The following MIER2 variants were observed in gnomAD, a reference collection of about 807,000 sequenced individuals.
MIER2 encodes the protein mesoderm induction early response protein 2.
Under a neutral mutation model 67.6 loss-of-function variants are expected in MIER2, and 30 were observed. That is an observed-to-expected ratio of 0.44 (90% CI 0.33 to 0.60). The LOEUF (loss-of-function observed/expected upper bound fraction) is 0.60. Ranked by LOEUF, MIER2 falls within the 20% of genes least tolerant of loss-of-function variation. MIER2 has a pLI of 0.02. For synonymous variants in MIER2, 372 were observed against 312.6 expected (o/e 1.19, Z -2.00); for missense variants, 702 against 745.1 (o/e 0.94, Z 0.67).
chr19:307,387 C>T lies in MIER2; in HGVS notation c.1348G>A (p.Ala450Thr), dbSNP rs1366798356. Reference sequence around the variant, plus strand: ...GCTGGCTGGTATGAGGCTGGGTCGGCCAGGGCTGGGGGCCGATGGGACAGG... The same window carrying T: ...GCTGGCTGGTATGAGGCTGGGTCGGTCAGGGCTGGGGGCCGATGGGACAGG... The part of the protein sequence containing the change: ...VPLSHRPPAL[A>T]DPASYQPAVT... The change falls in exon 13 of 14, where the codon GCC becomes ACC. Residue 450 changes from alanine (A) to threonine (T), a missense_variant. Ala to Thr is a moderately conservative substitution (Grantham distance 58). This residue lies in a region of MIER2 where 254 missense variants were observed against 262.8 expected (regional missense o/e 0.97). Coordinates refer to ENST00000264819, the MANE Select transcript of MIER2 (RefSeq NM_017550.3). The T allele has an allele frequency of 6.2e-7, 1 of 1,607,250 alleles. No homozygotes were observed. The highest frequency in any genetic ancestry group is 2.2e-5 in the East Asian group (1 of 44,646).
At chr19:307,065 T>A in intron 13 of MIER2, 54 bp downstream of exon 13, 1 of 1,517,774 alleles carries the variant, frequency 6.6e-7, no homozygotes, top group East Asian at 2.4e-5. Flanking sequence ...GCCTGAGGGC[T>A]GGGGGGACCT....
At chr19:326,059 G>C (rs61018085) in intron 6 of MIER2, among the ~76,000 whole-genome samples, 22,751 of 152,236 alleles carry the variant, frequency 0.15, 2,194 homozygotes, top group African/African-American at 0.26. Context: ...CTGAGAAGGG[G>C]CACAAACCCA....
At chr19:315,987 G>A (rs955741853) in intron 7 of MIER2, among the ~76,000 whole-genome samples, 3 of 152,230 alleles carry the variant, frequency 2.0e-5, no homozygotes, top group East Asian at 3.8e-4. Context: ...GAGTAAGACC[G>A]TCCTCTGACT....
intron 7 of MIER2, among the ~76,000 whole-genome samples, chr19:322,197 G>A (rs895439449): frequency 5.3e-4 from 81 of 152,116 alleles, no homozygotes; most frequent in African/African-American, 1.9e-3. Context: ...GAGCCACCAC[G>A]CCCAGCCACC....
chr19:336,411 A>G (rs1972261877), intron 1 of MIER2, among the ~76,000 whole-genome samples: 1 of 152,258 alleles, frequency 6.6e-6, no homozygotes. Flanking sequence ...CGCCCAGGGC[A>G]GGACATGCAT....
Position 340,866 on chromosome 19 carries a change from G to C in MIER2, c.9+3908C>G, listed in dbSNP as rs538929315. Among the ~76,000 whole-genome samples the C allele has an allele frequency of 4.6e-5, 7 of 152,266 alleles. No individual in the cohort carries two copies. In the South Asian group the frequency reaches 1.5e-3, roughly 32 times the overall value. ...CCGTGGTGGCAGAGGGCAAACAGAAGACAGAGGGAAGGAAGAGCCAGCAGG... is the reference window on the plus strand; with the variant it reads ...CCGTGGTGGCAGAGGGCAAACAGAACACAGAGGGAAGGAAGAGCCAGCAGG... On this transcript the variant is annotated intron_variant, in intron 1 of 13. Transcript: ENST00000264819.
intron 1 of MIER2, among the ~76,000 whole-genome samples, chr19:338,830 C>T (rs1972378477): frequency 6.6e-6 from 1 of 152,114 alleles, no homozygotes; most frequent in South Asian, 2.1e-4. Context: ...ACAAATGGTA[C>T]TGGGACAGTT....
intron 1 of MIER2, among the ~76,000 whole-genome samples, chr19:338,954 C>A (rs576969515): frequency 6.6e-6 from 1 of 151,736 alleles, no homozygotes; most frequent in Non-Finnish European, 1.5e-5. Context: ...CACAACTTTT[C>A]GGAGAAAATA....
chr19:315,277 A>C (rs1036081123), intron 7 of MIER2, among the ~76,000 whole-genome samples: 1 of 151,544 alleles, frequency 6.6e-6, no homozygotes, highest in Non-Finnish European at 1.5e-5. Context: ...AGGGAGGAGA[A>C]TCACTTGAAC....
At chr19:337,589 G>A (rs764052827) in intron 1 of MIER2, among the ~76,000 whole-genome samples, 5 of 152,160 alleles carry the variant, frequency 3.3e-5, no homozygotes, top group Admixed American at 6.5e-5. Flanking sequence ...TAAGGAAGCC[G>A]GGCACGGTGG....
intron 7 of MIER2, among the ~76,000 whole-genome samples, chr19:315,326 C>T (rs1264383739): frequency 6.6e-6 from 1 of 152,252 alleles, no homozygotes; most frequent in Non-Finnish European, 1.5e-5. Flanking sequence ...GATCGCGCCA[C>T]TGCACTCCAG....
chr19:325,558 T>C, intron 7 of MIER2, 77 bp downstream of exon 7: 1 of 1,544,788 alleles, frequency 6.5e-7, no homozygotes, highest in South Asian at 1.1e-5. Context: ...GACCAGACTG[T>C]CCAAGGATCT....
chr19:315,990 C>T (rs987214409), intron 7 of MIER2, among the ~76,000 whole-genome samples: 1 of 152,256 alleles, frequency 6.6e-6, no homozygotes, highest in Non-Finnish European at 1.5e-5. Flanking sequence ...TAAGACCGTC[C>T]TCTGACTTCT....
Position 344,773 on chromosome 19 carries a change from C to T in MIER2, c.9+1G>A. On this transcript the variant is annotated splice_donor_variant, in intron 1 of 13. Coordinates refer to ENST00000264819, the MANE Select transcript of MIER2 (RefSeq NM_017550.3). LOFTEE classifies it high-confidence loss of function. The stretch of plus-strand genomic sequence containing the variant: ...CCGGCTCCCCCGGCCCGCTCACTCA[C>T]CTCCGCCATGGCCGTGTGTGCGCGG... 8.4e-7 allele frequency: 1 copy of T among 1,191,602 alleles called. No individual in the cohort carries two copies. Among genetic ancestry groups the T allele is most frequent in the Non-Finnish European group, 1.0e-6 (1 of 962,052 alleles). 73.8% of individuals were successfully genotyped at this position (1,191,602 alleles called of 1,614,324 possible). A position where few individuals can be genotyped will look rare whatever the true frequency, so the allele number is the denominator to read the frequency against.
In MIER2 at chr19:327,163, C is replaced by A. The variant is rs777879630; in HGVS notation, c.463G>T (p.Ala155Ser). 8.8e-6 allele frequency: 14 copies of A among 1,592,402 alleles called. No homozygotes were observed. Among genetic ancestry groups the A allele is most frequent in the Non-Finnish European group, 1.1e-5 (13 of 1,174,060 alleles). The change falls in exon 5 of 14, where the codon GCC (alanine) becomes TCC (serine). Residue 155 changes from alanine (A) to serine (S), a missense_variant. Ala to Ser is a moderately conservative substitution (Grantham distance 99). Around this residue, in one of 3 missense-constraint regions of MIER2, gnomAD observed 320 missense variants for 292.6 expected, o/e 1.09. Coordinates refer to ENST00000264819, the MANE Select transcript of MIER2 (RefSeq NM_017550.3). ...CTCCGGTTAGGGAAGAGGTCGGAGG[C>A]CTCGTGGGAGGTCACGGACGGGGTG... The part of the protein sequence containing the change: ...DLTPSVTSHE[A>S]SDLFPNRSGS...
In MIER2 at chr19:334,393, C is replaced by A. The variant is rs561814972; in HGVS notation, c.243+7G>T. 1 of 1,613,992 alleles carries A rather than the reference C, an allele frequency of 6.2e-7. No individual in the cohort carries two copies. Among genetic ancestry groups the A allele is most frequent in the South Asian group, 1.1e-5 (1 of 91,070 alleles). The stretch of plus-strand genomic sequence containing the variant: ...AACACAGGGGCAGGATCACCTTGGC[C>A]AAGTACCTGGGAGATGAAGTCCTTC... On this transcript the variant is annotated splice_region_variant and intron_variant, in intron 3 of 13. Transcript: ENST00000264819.
At chr19:313,884 G>A (rs1463128365) in intron 7 of MIER2, among the ~76,000 whole-genome samples, 9 of 152,148 alleles carry the variant, frequency 5.9e-5, no homozygotes, top group East Asian at 1.9e-4. Context: ...GTATCCCAAC[G>A]ACCAAGTGCA....
At chr19:329,076 G>C (rs1971902496) in intron 3 of MIER2, among the ~76,000 whole-genome samples, 1 of 152,122 alleles carries the variant, frequency 6.6e-6, no homozygotes, top group Non-Finnish European at 1.5e-5. Context: ...ACTCCACGCT[G>C]ATCCCTGTGG....
chr19:317,861 C>T (rs956950520), intron 7 of MIER2, among the ~76,000 whole-genome samples: 1 of 151,816 alleles, frequency 6.6e-6, no homozygotes, highest in Admixed American at 6.6e-5. Context: ...AAAAAATGTA[C>T]ATGGACTAAA....
Sources: allele counts gnomAD v4.1 joint callset (sites outside exome capture counted in the v4.1 genomes callset), GRCh38; gene constraint gnomAD v4.1.1; regional missense constraint gnomAD v4.1.1; transcripts MANE v1.5; gene names NCBI Gene and HGNC (gene_info 2026-07-23, HGNC 2026-07-21).